Variants in CCDC73 observed in about 807,000 individuals in gnomAD.
CCDC73 encodes coiled-coil domain-containing protein 73.
A neutral mutation model predicts 116.5 loss-of-function variants in CCDC73; 95 were observed. That is an observed-to-expected ratio of 0.82 (90% CI 0.69 to 0.97). The LOEUF (loss-of-function observed/expected upper bound fraction) is 0.97, where lower values mean the gene tolerates loss of function less well. CCDC73 is among the 50% of genes least tolerant of loss of function. The pLI, the probability that CCDC73 is intolerant of heterozygous loss-of-function variation, is 0.00. For synonymous variants in CCDC73, 398 were observed against 401.3 expected (o/e 0.99, Z 0.10); for missense variants, 1,066 against 1,206.8 (o/e 0.88, Z 1.73).
intron 17 of CCDC73, 92 bp from the exon 18 acceptor site, chr11:32,603,112 A>T: frequency 1.0e-6 from 1 of 1,002,584 alleles, no homozygotes; most frequent in Non-Finnish European, 1.5e-6. Flanking sequence ...GTATGTGGTA[A>T]AACCACCATC....
At chr11:32,660,782 G>A (rs1052441751) in intron 9 of CCDC73, among the ~76,000 whole-genome samples, 8 of 151,948 alleles carry the variant, frequency 5.3e-5, no homozygotes, top group African/African-American at 1.9e-4. Context: ...TTGTGATATC[G>A]CACCACTGCA....
intron 1 of CCDC73, among the ~76,000 whole-genome samples, chr11:32,761,542 T>A (rs1850392160): frequency 6.6e-6 from 1 of 152,188 alleles, no homozygotes; most frequent in South Asian, 2.1e-4. Flanking sequence ...GCTGTACCAT[T>A]TTCCATTCCC....
chr11:32,617,772 C>A (rs774919785), intron 14 of CCDC73, among the ~76,000 whole-genome samples: 1 of 152,024 alleles, frequency 6.6e-6, no homozygotes, highest in Admixed American at 6.5e-5. Context: ...TAGATTTGGA[C>A]GAAAATATCA....
At chr11:32,655,522 A>C (rs972163966) in intron 9 of CCDC73, among the ~76,000 whole-genome samples, 6 of 152,240 alleles carry the variant, frequency 3.9e-5, no homozygotes, top group African/African-American at 7.2e-5. Context: ...ACATGCACAA[A>C]GCCACAGAAA....
intron 2 of CCDC73, among the ~76,000 whole-genome samples, chr11:32,747,675 C>A (rs1282814559): frequency 6.6e-6 from 1 of 152,208 alleles, no homozygotes; most frequent in African/African-American, 2.4e-5. Flanking sequence ...CCTCCCCCTG[C>A]CAAATTTCAG....
intron 2 of CCDC73, among the ~76,000 whole-genome samples, chr11:32,749,636 C>T (rs554795045): frequency 3.6e-4 from 55 of 152,092 alleles, no homozygotes; most frequent in African/African-American, 1.3e-3. Context: ...TCTTCACAGT[C>T]TGGCCTTTTT....
rs187409277 is a variant in CCDC73 at position 32,755,599 on chromosome 11, A to C, written c.135+4510T>G. ...TCCATATATATGTGTGTATATATAT[A>C]TCCATATATATGTGTGTGTATATAT... On this transcript the variant is annotated intron_variant, in intron 2 of 17. Coordinates refer to ENST00000335185, the MANE Select transcript of CCDC73 (RefSeq NM_001008391.4). Among the ~76,000 whole-genome samples the C allele has an allele frequency of 7.3e-3, 700 of 96,104 alleles. 75 individuals are homozygous for C. Among genetic ancestry groups the C allele is most frequent in the Middle Eastern group, 0.018 (3 of 168 alleles). 63.0% of individuals were successfully genotyped at this position (96,104 alleles called of 152,430 possible).
intron 9 of CCDC73, among the ~76,000 whole-genome samples, chr11:32,656,203 G>A (rs566313376): frequency 9.9e-5 from 15 of 151,576 alleles, no homozygotes; most frequent in East Asian, 3.9e-4. Flanking sequence ...TCAGCCTCCC[G>A]AGCAGCTGGG....
chr11:32,802,187 C>A, the CCDC73 span, among the ~76,000 whole-genome samples: 2 of 152,168 alleles, frequency 1.3e-5, no homozygotes, highest in Non-Finnish European at 2.9e-5. Flanking sequence ...TGACTGCCTG[C>A]TGCACTAACA....
intron 1 of CCDC73, among the ~76,000 whole-genome samples, chr11:32,777,321 T>A (rs950199017): frequency 1.3e-5 from 2 of 151,958 alleles, no homozygotes; most frequent in African/African-American, 4.8e-5. Context: ...GCCATGCTGG[T>A]CTTGAACTCC....
intron 6 of CCDC73, among the ~76,000 whole-genome samples, chr11:32,684,209 AC>A (rs2133296357): frequency 6.6e-6 from 1 of 151,920 alleles, no homozygotes; most frequent in South Asian, 2.1e-4. Context: ...ATGCCACCAC[AC>A]CTGGCTAATT....
At chr11:32,704,557 G>A (rs540398842) in intron 3 of CCDC73, among the ~76,000 whole-genome samples, 1 of 152,326 alleles carries the variant, frequency 6.6e-6, no homozygotes, top group African/African-American at 2.4e-5. Flanking sequence ...GGGATGGACA[G>A]CCTGGGCACT....
chr11:32,707,863 C>T (rs1410343720), intron 3 of CCDC73, among the ~76,000 whole-genome samples: 5 of 152,142 alleles, frequency 3.3e-5, no homozygotes, highest in African/African-American at 1.2e-4. Context: ...TTTCTGAAAT[C>T]ACCCCCACCT....
At chr11:32,777,004 T>TATAC (rs1390288376) in intron 1 of CCDC73, among the ~76,000 whole-genome samples, 1 of 141,208 alleles carries the variant, frequency 7.1e-6, no homozygotes, top group African/African-American at 2.6e-5. Context: ...TATATATATA[T>TATAC]ATATATATAT....
intron 16 of CCDC73, 105 bp from the exon 17 acceptor site, chr11:32,611,370 A>C: frequency 1.0e-6 from 1 of 954,868 alleles, no homozygotes; most frequent in South Asian, 1.8e-5. Context: ...AAAAAGCAAC[A>C]AATTTCTATT....
rs1195097367 is a variant in CCDC73 at position 32,635,677 on chromosome 11, C to A, written c.1185+19G>T. 1 of 1,282,874 alleles carries A rather than the reference C, an allele frequency of 7.8e-7. No homozygotes were observed. The highest frequency in any genetic ancestry group is 1.0e-6 in the Non-Finnish European group (1 of 997,472). The allele number at this position is 1,282,874 out of a possible 1,614,324, so 79.5% of individuals were successfully genotyped here. A position where few individuals can be genotyped will look rare whatever the true frequency, so the allele number is the denominator to read the frequency against. ...AATTTCTTTGATAGTTTGTACCCCACAACATACTTAAATTTTACCTGAAAC... is the reference window on the plus strand; with the variant it reads ...AATTTCTTTGATAGTTTGTACCCCAAAACATACTTAAATTTTACCTGAAAC... On this transcript the variant is annotated intron_variant, in intron 14 of 17. Transcript: ENST00000335185.
intron 2 of CCDC73, among the ~76,000 whole-genome samples, chr11:32,735,049 C>G (rs1474634108): frequency 6.6e-6 from 1 of 152,102 alleles, no homozygotes; most frequent in East Asian, 1.9e-4. Context: ...TATGACAAAC[C>G]CACAGCCAAT....
the CCDC73 span, among the ~76,000 whole-genome samples, chr11:32,821,949 A>C: frequency 8.5e-5 from 13 of 152,356 alleles, no homozygotes; most frequent in South Asian, 2.3e-3. Flanking sequence ...CAGGATGGGC[A>C]ACGGCAGTCA....
chr11:32,623,719 CT>C (rs1164397868), intron 14 of CCDC73, among the ~76,000 whole-genome samples: 1 of 152,122 alleles, frequency 6.6e-6, no homozygotes, highest in African/African-American at 2.4e-5. Flanking sequence ...TTAAACCAAT[CT>C]TTCAAGAAAC....
Sources: gnomAD v4.1 joint callset for allele counts (sites outside exome capture counted in the v4.1 genomes callset) on GRCh38, gnomAD v4.1.1 for gene constraint, MANE v1.5 for transcripts, NCBI Gene and HGNC (gene_info 2026-07-23, HGNC 2026-07-21) for gene names.